The following TOX3 variants were observed in gnomAD, a reference collection of about 807,000 sequenced individuals.
TOX3 encodes TOX high mobility group box family member 3, also known as CAG trinucleotide repeat-containing gene F9 protein.
In TOX3, 22 loss-of-function variants were observed where a neutral mutation model predicts 64.3. The observed-to-expected ratio is 0.34, with a 90% CI of 0.24 to 0.49. The LOEUF (loss-of-function observed/expected upper bound fraction) is 0.49. TOX3 is among the 20% of genes least tolerant of loss of function. The pLI is 0.99. For synonymous variants in TOX3, 291 were observed against 273.6 expected, an observed-to-expected ratio of 1.06 and a Z score of -0.63; for missense variants, 661 against 714.4, an observed-to-expected ratio of 0.93 and a Z score of 0.85.
intron 1 of TOX3, among the ~76,000 whole-genome samples, chr16:52,541,857 A>T (rs534987936): frequency 5.3e-5 from 8 of 152,318 alleles, no homozygotes; most frequent in Admixed American, 5.2e-4. Flanking sequence ...TGTTTTATCC[A>T]TTAGTCACTA....
rs1379654058 is a variant in TOX3 at position 52,437,005 on chromosome 16, G to A, written c.*2220C>T. 6.6e-6 allele frequency: 1 copy of A among 152,216 alleles called. No homozygotes were observed. Among genetic ancestry groups the A allele is most frequent in the African/African-American group, 2.4e-5 (1 of 41,460 alleles). 9.4% of individuals were successfully genotyped at this position (152,216 alleles called of 1,614,324 possible). A position where few individuals can be genotyped will look rare whatever the true frequency, so the allele number is the denominator to read the frequency against. On this transcript the variant is annotated 3_prime_UTR_variant, in exon 7 of 7. Transcript: ENST00000219746. Reference sequence around the variant, plus strand: ...TATGTAATGTTAGTTTCAATTCACAGAAAATCTTTTACCATTCGAGCTCTA... The same window carrying A: ...TATGTAATGTTAGTTTCAATTCACAAAAAATCTTTTACCATTCGAGCTCTA...
At chr16:52,453,770 C>A (rs1960432428) in intron 3 of TOX3, among the ~76,000 whole-genome samples, 1 of 151,658 alleles carries the variant, frequency 6.6e-6, no homozygotes, top group African/African-American at 2.4e-5. Flanking sequence ...GCTATCATGG[C>A]CAAACACAAG....
At position 52,545,737 on chromosome 16, in the gene TOX3, C is replaced by A. The variant is rs1190083973; in HGVS notation, c.87+900G>T. Among the ~76,000 whole-genome samples, 3 of 152,110 alleles carry A rather than the reference C, an allele frequency of 2.0e-5. No individual in the cohort carries two copies. The East Asian group carries it at 5.8e-4, about 29-fold the overall frequency. ...AGGGTGATGTTTTCGACAAATTCGG[C>A]GCTGGGGGCTTCAGGGAGGACAGAG... On this transcript the variant is annotated intron_variant, in intron 1 of 6. Transcript: ENST00000219746.
At position 52,464,060 on chromosome 16, in the gene TOX3, T is replaced by C. The variant is rs1960780350; in HGVS notation, c.282A>G (p.Pro94=). The change falls in exon 3 of 7, where the codon CCA becomes CCG. Residue 94 remains proline, a synonymous_variant. Transcript: ENST00000219746. ...TGAATTCACTTCCCTGGGAAGGCAATGGATCGCTGAGGGCTTGAAAGGGTA... is the reference window on the plus strand; with the variant it reads ...TGAATTCACTTCCCTGGGAAGGCAACGGATCGCTGAGGGCTTGAAAGGGTA... The part of the protein sequence containing the change: ...VLLPFQALSD[P]LPSQGSEFTP... 1.9e-6 allele frequency: 3 copies of C among 1,602,772 alleles called. No homozygotes were observed. The highest frequency in any genetic ancestry group is 2.6e-6 in the Non-Finnish European group (3 of 1,175,036).
chr16:52,444,125 G>T, intron 6 of TOX3, 151 bp downstream of exon 6: 1 of 530,538 alleles, frequency 1.9e-6, no homozygotes, highest in Non-Finnish European at 3.3e-6. Flanking sequence ...CATCACTTGG[G>T]TAATCTCTAA....
Position 52,439,690 on chromosome 16 carries a change from G to A in TOX3, c.1266C>T (p.Thr422=). The A allele has an allele frequency of 1.2e-6, 2 of 1,613,934 alleles. No individual in the cohort carries two copies. Among genetic ancestry groups the A allele is most frequent in the South Asian group, 2.2e-5 (2 of 91,078 alleles). The change falls in exon 7 of 7, where the codon ACC becomes ACT. Residue 422 remains threonine (T), a synonymous_variant. Coordinates refer to ENST00000219746, the MANE Select transcript of TOX3 (RefSeq NM_001080430.4). ...GAPLISSMGT[T]MVGSAPSTQV... is the part of the protein sequence containing the mutation. Reference sequence around the variant, plus strand: ...GGGTGGAGGGTGCTGAGCCAACCATGGTCGTTCCCATGGAGCTTATCAGTG... The same window carrying A: ...GGGTGGAGGGTGCTGAGCCAACCATAGTCGTTCCCATGGAGCTTATCAGTG...
At chr16:52,471,613 T>C (rs1431851608) in intron 1 of TOX3, among the ~76,000 whole-genome samples, 2 of 152,186 alleles carry the variant, frequency 1.3e-5, no homozygotes, top group African/African-American at 4.8e-5. Context: ...ATAAGCACTC[T>C]AGTATTTGTT....
At chr16:52,498,590 G>A (rs2077653) in intron 1 of TOX3, among the ~76,000 whole-genome samples, 155 of 151,530 alleles carry the variant, frequency 1.0e-3, no homozygotes, top group African/African-American at 3.6e-3. Context: ...TGTGGGGTTG[G>A]GGGGGGGAGG....
chr16:52,456,046 T>A (rs1960507222), intron 3 of TOX3, among the ~76,000 whole-genome samples: 1 of 152,100 alleles, frequency 6.6e-6, no homozygotes. Context: ...GAAATGACAG[T>A]CCAGTGTGAC....
chr16:52,496,086 G>A (rs928374661), intron 1 of TOX3, among the ~76,000 whole-genome samples: 2 of 152,062 alleles, frequency 1.3e-5, no homozygotes, highest in Non-Finnish European at 2.9e-5. Context: ...AATAGTAACT[G>A]GGAGCTTAAA....
chr16:52,538,881 A>G (rs369330176), intron 1 of TOX3, among the ~76,000 whole-genome samples: 1 of 152,182 alleles, frequency 6.6e-6, no homozygotes, highest in Non-Finnish European at 1.5e-5. Flanking sequence ...AAAACGATCT[A>G]CCTCAAAGGG....
chr16:52,479,150 A>G (rs1961299491), intron 1 of TOX3, among the ~76,000 whole-genome samples: 1 of 152,198 alleles, frequency 6.6e-6, no homozygotes, highest in African/African-American at 2.4e-5. Context: ...TTTTCAAACA[A>G]GAGGAGCCAC....
At chr16:52,447,462 C>A (rs893504727) in intron 4 of TOX3, among the ~76,000 whole-genome samples, 2 of 152,124 alleles carry the variant, frequency 1.3e-5, no homozygotes, top group Non-Finnish European at 2.9e-5. Flanking sequence ...GGATAAGGAA[C>A]TTTTCTTAGA....
At chr16:52,496,404 G>C (rs1642222343) in intron 1 of TOX3, among the ~76,000 whole-genome samples, 1 of 152,150 alleles carries the variant, frequency 6.6e-6, no homozygotes, top group Non-Finnish European at 1.5e-5. Flanking sequence ...TCTTTGTATT[G>C]TTCAATATTT....
intron 1 of TOX3, among the ~76,000 whole-genome samples, chr16:52,537,033 C>T (rs954693361): frequency 3.9e-5 from 6 of 152,038 alleles, no homozygotes; most frequent in African/African-American, 1.5e-4. Context: ...CAGCAACTGA[C>T]CACCCAATCC....
intron 1 of TOX3, among the ~76,000 whole-genome samples, chr16:52,525,203 G>A (rs1962703588): frequency 6.6e-6 from 1 of 152,130 alleles, no homozygotes; most frequent in African/African-American, 2.4e-5. Flanking sequence ...TTTGTGGGTG[G>A]AGGGCTATTC....
chr16:52,513,397 C>T (rs1310658158), intron 1 of TOX3, among the ~76,000 whole-genome samples: 6 of 152,200 alleles, frequency 3.9e-5, no homozygotes, highest in African/African-American at 1.4e-4. Flanking sequence ...AAGACTAGGC[C>T]TCTGCTTCCC....
intron 1 of TOX3, among the ~76,000 whole-genome samples, chr16:52,503,789 C>T (rs940785779): frequency 2.0e-5 from 3 of 152,136 alleles, no homozygotes; most frequent in African/African-American, 7.2e-5. Context: ...ATGGTAACAA[C>T]ATACATGTTG....
chr16:52,470,004 A>T (rs905586271), intron 1 of TOX3, among the ~76,000 whole-genome samples: 3 of 152,216 alleles, frequency 2.0e-5, no homozygotes, highest in Non-Finnish European at 4.4e-5. Context: ...AGCTTCATTT[A>T]GGTAAATATC....
Sources: allele counts gnomAD v4.1 joint callset (sites outside exome capture counted in the v4.1 genomes callset), GRCh38; gene constraint gnomAD v4.1.1; transcripts MANE v1.5; gene names NCBI Gene and HGNC (gene_info 2026-07-23, HGNC 2026-07-21).